RPS6KC1: variants seen among roughly 807,000 people sequenced by gnomAD.
RPS6KC1 encodes the protein inactive ribosomal protein S6 kinase delta-1.
A neutral mutation model predicts 103.8 loss-of-function variants in RPS6KC1; 54 were observed. The observed-to-expected ratio is 0.52, with a 90% confidence interval of 0.42 to 0.65. RPS6KC1 has a LOEUF of 0.65. RPS6KC1 is among the 30% of genes least tolerant of loss of function. The pLI, the probability that RPS6KC1 is intolerant of heterozygous loss-of-function variation, is 0.00. For synonymous variants in RPS6KC1, 439 were observed against 438.7 expected (o/e 1.00, Z -0.01); for missense variants, 1,151 against 1,253.8 (o/e 0.92, Z 1.24).
the RPS6KC1 span, among the ~76,000 whole-genome samples, chr1:213,705,073 C>G: frequency 6.6e-6 from 1 of 152,252 alleles, no homozygotes; most frequent in Admixed American, 6.5e-5. Flanking sequence ...AGACCTGAAG[C>G]CAGCATAGCA....
chr1:213,634,614 A>G, the RPS6KC1 span, among the ~76,000 whole-genome samples: 47 of 152,248 alleles, frequency 3.1e-4, no homozygotes, highest in Non-Finnish European at 1.5e-4. Flanking sequence ...CTAAATGCCC[A>G]TAAGAGAAAG....
chr1:213,086,025 A>G (rs1405127287), intron 3 of RPS6KC1, among the ~76,000 whole-genome samples: 2 of 152,058 alleles, frequency 1.3e-5, no homozygotes, highest in Admixed American at 1.3e-4. Context: ...CATTTCTTCA[A>G]GGAACCCTAG....
At chr1:213,363,759 C>CTTCTTTCTTTCTTTCT in the RPS6KC1 span, among the ~76,000 whole-genome samples, 9 of 56,628 alleles carry the variant, frequency 1.6e-4, no homozygotes, top group African/African-American at 3.7e-4. Flanking sequence ...CTCTTTCTCT[C>CTTCTTTCTTTCTTTCT]TTCTTTCTTT....
At chr1:213,775,322 C>G in the RPS6KC1 span, among the ~76,000 whole-genome samples, 1 of 152,058 alleles carries the variant, frequency 6.6e-6, no homozygotes, top group Non-Finnish European at 1.5e-5. Context: ...TATTGTTGGG[C>G]AGGGAGATCA....
the RPS6KC1 span, among the ~76,000 whole-genome samples, chr1:213,372,052 T>G: frequency 2.0e-5 from 3 of 152,242 alleles, no homozygotes; most frequent in South Asian, 2.1e-4. Flanking sequence ...AATGGAGTCC[T>G]GCCATCTTTG....
the RPS6KC1 span, among the ~76,000 whole-genome samples, chr1:213,604,231 C>G: frequency 5.3e-5 from 8 of 152,216 alleles, no homozygotes; most frequent in African/African-American, 1.9e-4. Context: ...CTACACCAAA[C>G]AGGAATTTCA....
At chr1:213,426,806 G>T in the RPS6KC1 span, among the ~76,000 whole-genome samples, 1 of 152,158 alleles carries the variant, frequency 6.6e-6, no homozygotes, top group Non-Finnish European at 1.5e-5. Context: ...AGACTCTGTG[G>T]TAGCTAATAC....
the RPS6KC1 span, among the ~76,000 whole-genome samples, chr1:213,646,263 A>G: frequency 1.3e-5 from 2 of 152,134 alleles, no homozygotes; most frequent in East Asian, 1.9e-4. Context: ...AAGGAATAAT[A>G]TTATCTAATT....
chr1:213,072,966 A>T, intron 2 of RPS6KC1: 1 of 926,540 alleles, frequency 1.1e-6, no homozygotes, highest in Non-Finnish European at 1.3e-6. Flanking sequence ...CTGTTGGTGA[A>T]CCATTCATCT....
At chr1:213,106,993 T>C (rs903394737) in intron 4 of RPS6KC1, among the ~76,000 whole-genome samples, 2 of 151,978 alleles carry the variant, frequency 1.3e-5, no homozygotes, top group Admixed American at 6.6e-5. Flanking sequence ...CAGGCTAGAG[T>C]GCAGTGGCAC....
chr1:213,183,593 T>C (rs572315368), intron 8 of RPS6KC1, among the ~76,000 whole-genome samples: 2 of 151,852 alleles, frequency 1.3e-5, no homozygotes, highest in East Asian at 3.9e-4. Flanking sequence ...AAAAAATGCA[T>C]ATAGTTGAAT....
the RPS6KC1 span, among the ~76,000 whole-genome samples, chr1:213,542,517 T>A: frequency 6.6e-6 from 1 of 152,182 alleles, no homozygotes; most frequent in African/African-American, 2.4e-5. Flanking sequence ...TCTCTCTCAG[T>A]GTATGCTGCT....
the RPS6KC1 span, among the ~76,000 whole-genome samples, chr1:213,578,941 CA>C: frequency 6.6e-6 from 1 of 151,944 alleles, no homozygotes; most frequent in East Asian, 1.9e-4. Context: ...TGGGAGGGAC[CA>C]GGGGTGGAAT....
the RPS6KC1 span, among the ~76,000 whole-genome samples, chr1:213,565,032 T>G: frequency 6.6e-6 from 1 of 152,240 alleles, no homozygotes. Flanking sequence ...TAAAAAGTGT[T>G]CAACATTACT....
the RPS6KC1 span, among the ~76,000 whole-genome samples, chr1:213,800,364 G>A: frequency 2.0e-4 from 30 of 152,240 alleles, no homozygotes; most frequent in South Asian, 4.1e-3. Context: ...TTCCTAAGAC[G>A]ATGCTCCCTT....
the RPS6KC1 span, among the ~76,000 whole-genome samples, chr1:213,712,151 T>A: frequency 3.9e-5 from 6 of 152,144 alleles, no homozygotes; most frequent in African/African-American, 1.4e-4. Flanking sequence ...CCCAGGAAGA[T>A]GGGAGTTTTA....
At chr1:213,562,215 G>T in the RPS6KC1 span, among the ~76,000 whole-genome samples, 3 of 152,028 alleles carry the variant, frequency 2.0e-5, no homozygotes, top group Non-Finnish European at 4.4e-5. Context: ...TAATTTATTT[G>T]TATAATGGTC....
rs186585164 is a variant in RPS6KC1 at position 213,206,073 on chromosome 1, A to G, written c.1045-24424A>G. On this transcript the variant is annotated intron_variant, in intron 8 of 14. Coordinates refer to ENST00000366960, the MANE Select transcript of RPS6KC1 (RefSeq NM_012424.6). ...GTGCATTCTGTACTTGCATTTGAAT[A>G]CTATATTTGGATTTGTGGGTGTTTT... 1.3e-4 allele frequency among the ~76,000 whole-genome samples: 20 copies of G among 152,326 alleles called. No individual in the cohort carries two copies. In the East Asian group the frequency reaches 2.1e-3, roughly 16 times the overall value.
chr1:213,568,985 G>A, the RPS6KC1 span, among the ~76,000 whole-genome samples: 1 of 152,200 alleles, frequency 6.6e-6, no homozygotes, highest in South Asian at 2.1e-4. Context: ...GAGAGATCCA[G>A]GGAAGTGGGA....
Sources: gnomAD v4.1 joint callset for allele counts (sites outside exome capture counted in the v4.1 genomes callset) on GRCh38, gnomAD v4.1.1 for gene constraint, MANE v1.5 for transcripts, NCBI Gene and HGNC (gene_info 2026-07-23, HGNC 2026-07-21) for gene names.